SLC15A4: variants seen among roughly 807,000 people sequenced by gnomAD.
SLC15A4 encodes hPHT1.
A neutral mutation model predicts 46.1 loss-of-function variants in SLC15A4; 26 were observed. The observed-to-expected ratio is 0.56, with a 90% CI of 0.41 to 0.78. The LOEUF (loss-of-function observed/expected upper bound fraction) is 0.78. Among genes scored for constraint, SLC15A4 ranks in the 30% least tolerant of loss-of-function variants. The probability of loss-of-function intolerance (pLI) is 0.00; values close to 1 mark genes in which losing one functional copy is unlikely to be tolerated. For synonymous variants in SLC15A4, 370 were observed against 333.4 expected (o/e 1.11, Z -1.20); for missense variants, 751 against 755.7 (o/e 0.99, Z 0.07).
At chr12:128,809,031 A>C in intron 4 of SLC15A4, 75 bp from the exon 5 acceptor site, 32 of 1,348,820 alleles carry the variant, frequency 2.4e-5, no homozygotes, top group Non-Finnish European at 3.0e-5. Context: ...CCAACGTCTC[A>C]ATGGGAGAAA....
At chr12:128,821,487 G>GA (rs750789903) in intron 1 of SLC15A4, among the ~76,000 whole-genome samples, 1 of 152,248 alleles carries the variant, frequency 6.6e-6, no homozygotes, top group Non-Finnish European at 1.5e-5. Flanking sequence ...CTGTGTTGCA[G>GA]AAACAGGTGG....
chr12:128,803,772 GC>G (rs1955546301), intron 5 of SLC15A4, among the ~76,000 whole-genome samples: 1 of 152,244 alleles, frequency 6.6e-6, no homozygotes, highest in South Asian at 2.1e-4. Flanking sequence ...AGAAAGCGAG[GC>G]CCCAGACCGA....
intron 5 of SLC15A4, among the ~76,000 whole-genome samples, chr12:128,804,771 T>C (rs1289680647): frequency 6.6e-6 from 1 of 152,180 alleles, no homozygotes; most frequent in Non-Finnish European, 1.5e-5. Flanking sequence ...AGAGAGGTAA[T>C]GGACTCCAGA....
At chr12:128,808,305 GT>G (rs1254731531) in intron 5 of SLC15A4, among the ~76,000 whole-genome samples, 1 of 152,182 alleles carries the variant, frequency 6.6e-6, no homozygotes, top group African/African-American at 2.4e-5. Context: ...CCAGGAGCCT[GT>G]AACAATCTAG....
chr12:128,800,695 G>T, intron 6 of SLC15A4, 159 bp downstream of exon 6: 4 of 652,290 alleles, frequency 6.1e-6, no homozygotes, highest in Non-Finnish European at 9.9e-6. Flanking sequence ...CAGCACTGGT[G>T]TGTTTACCTA....
chr12:128,801,057 C>A, intron 5 of SLC15A4, 48 bp from the exon 6 acceptor site: 1 of 1,506,838 alleles, frequency 6.6e-7, no homozygotes, highest in Non-Finnish European at 9.0e-7. Context: ...TTAACATTTA[C>A]AGTTAATCTA....
At chr12:128,803,833 A>C (rs1177301045) in intron 5 of SLC15A4, among the ~76,000 whole-genome samples, 1 of 151,136 alleles carries the variant, frequency 6.6e-6, no homozygotes, top group Non-Finnish European at 1.5e-5. Context: ...CCGGGACGAC[A>C]CGACGAATTG....
Position 128,809,404 on chromosome 12 carries a change from G to T in SLC15A4, c.1081C>A (p.Pro361Thr). Residue 361 changes from proline (P) to threonine (T), a missense_variant, in exon 4 of 8, where the codon CCT (proline) becomes ACT (threonine). Pro to Thr is a conservative substitution (Grantham distance 38). Transcript: ENST00000266771. ...IPEISNITTTPHTLPAAWLTM... is the reference protein window; with the variant it reads ...IPEISNITTTTHTLPAAWLTM... ...ATTACAATTGTTCTTACCGTGTGAG[G>T]AGTGGTTGTAATATTTGAAATTTCT... The T allele has an allele frequency of 6.3e-7, 1 of 1,598,534 alleles. No homozygotes were observed. Among genetic ancestry groups the T allele is most frequent in the South Asian group, 1.1e-5 (1 of 89,992 alleles).
Position 128,807,885 on chromosome 12 carries a change from A to C in SLC15A4, c.1258+903T>G, listed in dbSNP as rs1593009578. On this transcript the variant is annotated intron_variant, in intron 5 of 7. Transcript: ENST00000266771. ...TAAGCCCAGGGACTAATTTCTTTAA[A>C]TCTATTAAGTACTATATCAATACAT... Among the ~76,000 whole-genome samples, 4 of 152,354 alleles carry C rather than the reference A, an allele frequency of 2.6e-5. 1 individual carries two copies. The Middle Eastern group carries it at 0.014, about 518-fold the overall frequency.
chr12:128,803,540 C>T (rs1296710621), intron 5 of SLC15A4, among the ~76,000 whole-genome samples: 1 of 152,150 alleles, frequency 6.6e-6, no homozygotes, highest in Non-Finnish European at 1.5e-5. Context: ...CGGCTCTCAA[C>T]GATGCCACAT....
intron 5 of SLC15A4, among the ~76,000 whole-genome samples, chr12:128,808,166 A>C (rs1231323874): frequency 6.6e-6 from 1 of 152,236 alleles, no homozygotes; most frequent in Non-Finnish European, 1.5e-5. Context: ...AAGATAAACA[A>C]CTCATTTCAG....
chr12:128,796,237 A>G (rs1269992034), intron 7 of SLC15A4, among the ~76,000 whole-genome samples: 1 of 152,066 alleles, frequency 6.6e-6, no homozygotes, highest in African/African-American at 2.4e-5. Context: ...CAGCCTGGCC[A>G]ACACGATGAA....
At chr12:128,820,778 C>T (rs895203011) in intron 1 of SLC15A4, among the ~76,000 whole-genome samples, 3 of 152,190 alleles carry the variant, frequency 2.0e-5, no homozygotes, top group African/African-American at 7.2e-5. Flanking sequence ...AGTAAATGTT[C>T]CTAAAAAACA....
At chr12:128,810,356 TGGCGTGGCTG>T in intron 2 of SLC15A4, 1 of 464,158 alleles carries the variant, frequency 2.2e-6, no homozygotes, top group South Asian at 2.3e-5. Flanking sequence ...ACTGTAATTT[TGGCGTGGCTG>T]GAAGATCTGT....
intron 5 of SLC15A4, among the ~76,000 whole-genome samples, chr12:128,805,145 A>C (rs1955568582): frequency 6.6e-6 from 1 of 152,116 alleles, no homozygotes. Flanking sequence ...TTATCCTTGG[A>C]TACCCCCCCC....
At chr12:128,814,579 T>C (rs1306948805) in intron 2 of SLC15A4, 196 bp downstream of exon 2, 3 of 590,340 alleles carry the variant, frequency 5.1e-6, no homozygotes, top group African/African-American at 1.9e-5. Context: ...ATCAGGCCAC[T>C]GGCCTGTCTT....
intron 1 of SLC15A4, among the ~76,000 whole-genome samples, chr12:128,816,501 T>G (rs1333849661): frequency 6.6e-6 from 1 of 152,178 alleles, no homozygotes; most frequent in Admixed American, 6.5e-5. Flanking sequence ...TAGAACAATC[T>G]GCTCTACTGA....
chr12:128,820,601 AC>A (rs1955819123), intron 1 of SLC15A4, among the ~76,000 whole-genome samples: 1 of 151,972 alleles, frequency 6.6e-6, no homozygotes, highest in Non-Finnish European at 1.5e-5. Context: ...CAATGATTAA[AC>A]CTCTCAAGCC....
chr12:128,796,785 T>C (rs1955449554), intron 7 of SLC15A4, among the ~76,000 whole-genome samples: 1 of 152,240 alleles, frequency 6.6e-6, no homozygotes, highest in Non-Finnish European at 1.5e-5. Context: ...CATCATTTTA[T>C]GTGCCTATTT....
Sources: gnomAD v4.1 joint callset for allele counts (sites outside exome capture counted in the v4.1 genomes callset) on GRCh38, gnomAD v4.1.1 for gene constraint, MANE v1.5 for transcripts, NCBI Gene and HGNC (gene_info 2026-07-23, HGNC 2026-07-21) for gene names.